Variants in SMYD2 observed in about 807,000 individuals in gnomAD.
The protein encoded by SMYD2 is SET and MYND domain containing 2, also known as N-lysine methyltransferase SMYD2.
Under a neutral mutation model 59.1 loss-of-function variants are expected in SMYD2, and 53 were observed. The ratio of observed to expected loss-of-function variants is 0.90; its 90% CI spans 0.72 to 1.13. The LOEUF is 1.13. SMYD2 is among the 50% of genes most tolerant of loss of function. SMYD2 has a pLI of 0.00. For synonymous variants in SMYD2, 208 were observed against 198.8 expected (o/e 1.05, Z -0.39); for missense variants, 494 against 544.7 (o/e 0.91, Z 0.93).
intron 8 of SMYD2, 37 bp downstream of exon 8, chr1:214,330,315 T>C (rs1428747539): frequency 7.1e-7 from 1 of 1,416,664 alleles, no homozygotes; most frequent in Non-Finnish European, 9.9e-7. Flanking sequence ...CTGACTGCAC[T>C]CTGATCTCAG....
chr1:214,305,237 A>G lies in SMYD2; in HGVS notation c.224A>G (p.Asn75Ser), dbSNP rs1279959955. 1 of 1,614,080 alleles carries G rather than the reference A, an allele frequency of 6.2e-7. No individual in the cohort carries two copies. Among genetic ancestry groups the G allele is most frequent in the African/African-American group, 1.3e-5 (1 of 74,924 alleles). The change falls in exon 2 of 12, where the codon AAT becomes AGT. Residue 75 changes from asparagine (N) to serine (S), a missense_variant. Coordinates refer to ENST00000366957, the MANE Select transcript of SMYD2 (RefSeq NM_020197.3). ...AGATGCAAGCAGGCATTTTACTGCA[A>G]TGTGGAGTGTCAGGTAGGTGCTGGG... ...CGRCKQAFYC[N>S]VECQKEDWPM...
At position 214,323,732 on chromosome 1, in the gene SMYD2, G is replaced by T. The variant is rs9786930; in HGVS notation, c.535-909G>T. Among the ~76,000 whole-genome samples the T allele has an allele frequency of 3.0e-3, 457 of 151,516 alleles. 4 individuals carry two copies. Among genetic ancestry groups the T allele is most frequent in the African/African-American group, 0.01 (417 of 41,264 alleles). ...CTGGGATTACAGGCGTGAGCCAGCG[G>T]GCCCGTACAACGTTTCTTTTAAAGG... On this transcript the variant is annotated intron_variant, in intron 5 of 11. Transcript: ENST00000366957.
intron 7 of SMYD2, 51 bp downstream of exon 7, chr1:214,327,775 TA>T: frequency 6.9e-7 from 1 of 1,455,234 alleles, no homozygotes; most frequent in South Asian, 1.1e-5. Flanking sequence ...GACTGCTCTT[TA>T]AAAGGCAATG....
chr1:214,335,676 C>T (rs1192676709), intron 11 of SMYD2, among the ~76,000 whole-genome samples: 1 of 152,132 alleles, frequency 6.6e-6, no homozygotes, highest in Non-Finnish European at 1.5e-5. Flanking sequence ...AGGCGCTGTT[C>T]GAAACACTGT....
At chr1:214,323,234 A>G (rs1657201218) in intron 5 of SMYD2, among the ~76,000 whole-genome samples, 1 of 152,124 alleles carries the variant, frequency 6.6e-6, no homozygotes, top group Non-Finnish European at 1.5e-5. Context: ...TGAGGCCACA[A>G]ATTTTCAGCC....
intron 6 of SMYD2, among the ~76,000 whole-genome samples, chr1:214,326,784 T>C (rs907917083): frequency 6.6e-6 from 1 of 152,066 alleles, no homozygotes; most frequent in Non-Finnish European, 1.5e-5. Flanking sequence ...GGAGGTGACA[T>C]TGGCCACCAG....
At chr1:214,298,250 C>T (rs1351624129) in intron 1 of SMYD2, among the ~76,000 whole-genome samples, 8 of 152,144 alleles carry the variant, frequency 5.3e-5, no homozygotes, top group Admixed American at 1.3e-4. Context: ...AGTAAAGCTG[C>T]ACACCTACAG....
intron 1 of SMYD2, among the ~76,000 whole-genome samples, chr1:214,289,741 C>T (rs953522769): frequency 2.0e-5 from 3 of 152,228 alleles, no homozygotes; most frequent in East Asian, 3.8e-4. Flanking sequence ...TCTTCTGATC[C>T]TCCTGCTCAC....
chr1:214,310,732 G>C (rs1656987682), intron 2 of SMYD2, among the ~76,000 whole-genome samples: 1 of 151,978 alleles, frequency 6.6e-6, no homozygotes, highest in African/African-American at 2.4e-5. Context: ...TATTCATCAG[G>C]TTAGCCTAAT....
At chr1:214,307,788 C>T (rs1019054243) in intron 2 of SMYD2, among the ~76,000 whole-genome samples, 5 of 152,150 alleles carry the variant, frequency 3.3e-5, no homozygotes, top group Non-Finnish European at 5.9e-5. Flanking sequence ...CATTTGTAAG[C>T]GTGCAATGAG....
intron 1 of SMYD2, among the ~76,000 whole-genome samples, chr1:214,287,357 C>G (rs1006004190): frequency 6.6e-6 from 1 of 151,520 alleles, no homozygotes; most frequent in Non-Finnish European, 1.5e-5. Flanking sequence ...GAAGCCGAGG[C>G]GGGCGGATTA....
chr1:214,281,976 C>T (rs768112420), intron 1 of SMYD2, among the ~76,000 whole-genome samples: 18 of 152,328 alleles, frequency 1.2e-4, no homozygotes, highest in Admixed American at 5.2e-4. Flanking sequence ...TTTGGAGGGA[C>T]GCCAGTGGGC....
chr1:214,301,556 G>C (rs1468098658), intron 1 of SMYD2, among the ~76,000 whole-genome samples: 1 of 128,152 alleles, frequency 7.8e-6, no homozygotes, highest in Non-Finnish European at 1.6e-5. Flanking sequence ...AGTCTCATCA[G>C]ATAAGTCTTC....
chr1:214,330,876 T>G, intron 8 of SMYD2, 74 bp from the exon 9 acceptor site: 7 of 1,605,864 alleles, frequency 4.4e-6, no homozygotes, highest in Non-Finnish European at 6.0e-6. Context: ...GGAATGTGTA[T>G]TATATGAGAG....
At chr1:214,297,559 C>T (rs1656754802) in intron 1 of SMYD2, among the ~76,000 whole-genome samples, 1 of 152,152 alleles carries the variant, frequency 6.6e-6, no homozygotes, top group Non-Finnish European at 1.5e-5. Flanking sequence ...TCTCTCTCCT[C>T]TCTCAAGCAC....
chr1:214,317,841 A>G (rs1324965818), intron 3 of SMYD2, among the ~76,000 whole-genome samples: 4 of 152,286 alleles, frequency 2.6e-5, no homozygotes, highest in Non-Finnish European at 4.4e-5. Context: ...TTCTGAGCCT[A>G]CTGTGTGCAT....
At chr1:214,311,499 G>A (rs926729802) in intron 2 of SMYD2, among the ~76,000 whole-genome samples, 24 of 152,118 alleles carry the variant, frequency 1.6e-4, no homozygotes, top group African/African-American at 5.6e-4. Flanking sequence ...AGAAACCTGC[G>A]TTGTCACACA....
chr1:214,317,977 A>G, intron 3 of SMYD2, 102 bp from the exon 4 acceptor site: 1 of 1,106,022 alleles, frequency 9.0e-7, no homozygotes, highest in Non-Finnish European at 1.4e-6. Flanking sequence ...TTCCTTAAGA[A>G]TTGTTACTTT....
intron 5 of SMYD2, among the ~76,000 whole-genome samples, chr1:214,320,812 G>A (rs1657161288): frequency 6.6e-6 from 1 of 152,130 alleles, no homozygotes; most frequent in Non-Finnish European, 1.5e-5. Flanking sequence ...AGTTTTGAGT[G>A]TTAAGGTAGA....
Sources: gnomAD v4.1 joint callset for allele counts (sites outside exome capture counted in the v4.1 genomes callset) on GRCh38, gnomAD v4.1.1 for gene constraint, MANE v1.5 for transcripts, NCBI Gene and HGNC (gene_info 2026-07-23, HGNC 2026-07-21) for gene names.